SLC47A1: variants seen among roughly 807,000 people sequenced by gnomAD.
SLC47A1 encodes solute carrier family 47 member 1.
Under a neutral mutation model 65.8 loss-of-function variants are expected in SLC47A1, and 58 were observed. That is an observed-to-expected ratio of 0.88 (90% CI 0.71 to 1.10). The LOEUF is 1.10. Ranked by LOEUF, SLC47A1 falls within the 50% of genes least tolerant of loss-of-function variation. The pLI, the probability that SLC47A1 is intolerant of heterozygous loss-of-function variation, is 0.00. For synonymous variants in SLC47A1, 285 were observed against 295.0 expected, an observed-to-expected ratio of 0.97 and a Z score of 0.35; for missense variants, 706 against 719.2, an observed-to-expected ratio of 0.98 and a Z score of 0.21.
chr17:19,542,542 C>T (rs545353920), intron 2 of SLC47A1, 48 bp downstream of exon 2: 101 of 1,405,790 alleles, frequency 7.2e-5, no homozygotes, highest in Non-Finnish European at 8.8e-5. Flanking sequence ...CTGTGTTTGC[C>T]TTCTGCTGCT....
intron 12 of SLC47A1, among the ~76,000 whole-genome samples, chr17:19,563,228 G>A (rs534787241): frequency 6.8e-6 from 1 of 147,996 alleles, no homozygotes; most frequent in Non-Finnish European, 1.5e-5. Flanking sequence ...TGCCTCCCGG[G>A]TTCACGCCAT....
chr17:19,572,870 T>C lies in SLC47A1; in HGVS notation c.1486+9T>C. 1 of 1,613,774 alleles carries C rather than the reference T, an allele frequency of 6.2e-7. No homozygotes were observed. The highest frequency in any genetic ancestry group is 8.5e-7 in the Non-Finnish European group (1 of 1,179,692). On this transcript the variant is annotated intron_variant, in intron 16 of 16. Coordinates refer to ENST00000270570, the MANE Select transcript of SLC47A1 (RefSeq NM_018242.3). ...GGATCCGCTTCACCCAGGTAAGATA[T>C]GACTCCCTCAGCCCTTGGACAGGCC...
intron 2 of SLC47A1, among the ~76,000 whole-genome samples, chr17:19,542,736 G>C (rs1371399739): frequency 6.6e-6 from 1 of 151,682 alleles, no homozygotes; most frequent in Non-Finnish European, 1.5e-5. Context: ...GGGACATCTG[G>C]GGGGGCATTA....
At position 19,533,930 on chromosome 17, in the gene SLC47A1, C is replaced by G; in HGVS notation, c.-10C>G. ...GCCTCCGCGCTACCCGGCCGCAGCGCGCGAGTCACATGGAAGCTCCTGAGG... is the reference window on the plus strand; with the variant it reads ...GCCTCCGCGCTACCCGGCCGCAGCGGGCGAGTCACATGGAAGCTCCTGAGG... On this transcript the variant is annotated 5_prime_UTR_variant, in exon 1 of 17. Transcript: ENST00000270570. 1.3e-6 allele frequency: 2 copies of G among 1,482,870 alleles called. No individual in the cohort carries two copies. The highest frequency in any genetic ancestry group is 1.8e-6 in the Non-Finnish European group (2 of 1,118,660). The allele number at this position is 1,482,870 out of a possible 1,614,324, so 91.9% of individuals were successfully genotyped here. A position where few individuals can be genotyped will look rare whatever the true frequency, so the allele number is the denominator to read the frequency against.
intron 1 of SLC47A1, among the ~76,000 whole-genome samples, chr17:19,540,876 A>ACACACACACACACACACACACC (rs774836898): frequency 6.7e-6 from 1 of 149,758 alleles, no homozygotes; most frequent in East Asian, 2.0e-4. Flanking sequence ...ACACACACAC[A>ACACACACACACACACACACACC]CCCCTAGGGT....
At chr17:19,552,903 T>C (rs1471235485) in intron 6 of SLC47A1, among the ~76,000 whole-genome samples, 1 of 152,140 alleles carries the variant, frequency 6.6e-6, no homozygotes, top group African/African-American at 2.4e-5. Context: ...CTGGGGCATT[T>C]AGTTTTGGGA....
chr17:19,555,230 A>T lies in SLC47A1; in HGVS notation c.562A>T (p.Ile188Phe). 1 of 1,614,076 alleles carries T rather than the reference A, an allele frequency of 6.2e-7. No individual in the cohort carries two copies. The highest frequency in any genetic ancestry group is 8.5e-7 in the Non-Finnish European group (1 of 1,180,014). ...TTTCCAGGGAATTGTACTGCCCCAGATCGTAACTGGAGTTGCAGCCAACCT... is the reference window on the plus strand; with the variant it reads ...TTTCCAGGGAATTGTACTGCCCCAGTTCGTAACTGGAGTTGCAGCCAACCT... The part of the protein sequence containing the change: ...LLNQGIVLPQ[I>F]VTGVAANLVN... Residue 188 changes from isoleucine (I) to phenylalanine (F), a missense_variant, in exon 7 of 17, where the codon ATC becomes TTC. Physicochemically the swap from Ile to Phe is conservative, Grantham distance 21. Transcript: ENST00000270570.
At position 19,551,406 on chromosome 17, in the gene SLC47A1, T is replaced by C. The variant is rs367856292; in HGVS notation, c.499-18T>C. 13 of 1,591,522 alleles carry C rather than the reference T, an allele frequency of 8.2e-6. No homozygotes were observed. In the African/African-American group the frequency reaches 1.3e-4, roughly 16 times the overall value. Reference sequence around the variant, plus strand: ...CAAGGCTGAAACATTAACATTCATCTCTCTTGTTCTCTTGTAGGCAACCTT... The same window carrying C: ...CAAGGCTGAAACATTAACATTCATCCCTCTTGTTCTCTTGTAGGCAACCTT... On this transcript the variant is annotated intron_variant, in intron 5 of 16. Transcript: ENST00000270570.
chr17:19,536,750 A>C (rs567091517), intron 1 of SLC47A1, among the ~76,000 whole-genome samples: 1 of 152,136 alleles, frequency 6.6e-6, no homozygotes, highest in Non-Finnish European at 1.5e-5. Context: ...ATTGTCCAAT[A>C]CTTTCTTCTC....
rs761875354 is a variant in SLC47A1 at position 19,571,499 on chromosome 17, T to A, written c.1331T>A (p.Ile444Asn). ...GVMGLWSGII[I>N]CTVFQAVCFL... The stretch of plus-strand genomic sequence containing the variant: ...CTAGGTCTGTGGTCAGGGATCATCA[T>A]CTGTACAGTCTTTCAAGCTGTGTGT... The change falls in exon 15 of 17, where the codon ATC becomes AAC. Residue 444 changes from isoleucine (I) to asparagine (N), a missense_variant. By Grantham distance (149) the Ile-to-Asn change is moderately radical. Transcript: ENST00000270570. 6.2e-7 allele frequency: 1 copy of A among 1,613,830 alleles called. No homozygotes were observed. Among genetic ancestry groups the A allele is most frequent in the East Asian group, 2.2e-5 (1 of 44,880 alleles).
chr17:19,547,296 A>G (rs1024602636), intron 3 of SLC47A1, among the ~76,000 whole-genome samples: 1 of 150,630 alleles, frequency 6.6e-6, no homozygotes, highest in Non-Finnish European at 1.5e-5. Context: ...CTCCTACCTC[A>G]GCCTCCCAAC....
chr17:19,536,271 T>TAATAAA (rs1306012152), intron 1 of SLC47A1, among the ~76,000 whole-genome samples: 1 of 150,900 alleles, frequency 6.6e-6, no homozygotes, highest in Non-Finnish European at 1.5e-5. Flanking sequence ...ATAATAATAA[T>TAATAAA]AATAATAATA....
At chr17:19,567,025 G>A in intron 13 of SLC47A1, 71 bp from the exon 14 acceptor site, 1 of 1,610,264 alleles carries the variant, frequency 6.2e-7, no homozygotes, top group East Asian at 2.2e-5. Flanking sequence ...AGAATATGAA[G>A]TGCTCGGGAG....
In SLC47A1 at chr17:19,577,310, T is replaced by C. The variant is rs1318994056; in HGVS notation, c.1487-17T>C. ...AAAAAATCCCTTTTAAGCTGCTAAG[T>C]TCCTTTTTCCTCCCAGGGTGCCCTG... On this transcript the variant is annotated splice_polypyrimidine_tract_variant and intron_variant, in intron 16 of 16. Transcript: ENST00000270570. The C allele has an allele frequency of 1.2e-6, 2 of 1,612,076 alleles. No homozygotes were observed. Among genetic ancestry groups the C allele is most frequent in the African/African-American group, 2.7e-5 (2 of 74,780 alleles).
In SLC47A1 at chr17:19,568,379, A is replaced by G. The variant is rs13342505; in HGVS notation, c.1309+1151A>G. Among the ~76,000 whole-genome samples, 644 of 152,332 alleles carry G rather than the reference A, an allele frequency of 4.2e-3. 6 individuals carry two copies. The highest frequency in any genetic ancestry group is 0.014 in the African/African-American group (592 of 41,566). On this transcript the variant is annotated intron_variant, in intron 14 of 16. Transcript: ENST00000270570. Reference sequence around the variant, plus strand: ...TGCGATTCATAGTTTGGATTTGCCAATTGCCTAGCTAATGCAAATATTATA... The same window carrying G: ...TGCGATTCATAGTTTGGATTTGCCAGTTGCCTAGCTAATGCAAATATTATA...
Position 19,555,980 on chromosome 17 carries a change from GTCTT to G in SLC47A1, c.854-10_854-7del. ...CCTGTCTGGGTGCAAGGCGACAGCT[GTCTT>G]TCTTCACCAGGCATCCTCGGCATGG... is the stretch of plus-strand genomic sequence containing the variant. On this transcript the variant is annotated splice_polypyrimidine_tract_variant and intron_variant, in intron 9 of 16. Coordinates refer to ENST00000270570, the MANE Select transcript of SLC47A1 (RefSeq NM_018242.3). 6.2e-7 allele frequency: 1 copy of G among 1,614,196 alleles called. No individual in the cohort carries two copies. Among genetic ancestry groups the G allele is most frequent in the South Asian group, 1.1e-5 (1 of 91,086 alleles).
chr17:19,544,157 G>A (rs867522301), intron 2 of SLC47A1, among the ~76,000 whole-genome samples: 4 of 152,090 alleles, frequency 2.6e-5, no homozygotes, highest in Admixed American at 6.5e-5. Context: ...TGTTGGTCAG[G>A]TGGGTCTTGA....
intron 12 of SLC47A1, 86 bp downstream of exon 12, chr17:19,560,579 T>G: frequency 7.7e-7 from 1 of 1,297,144 alleles, no homozygotes; most frequent in Non-Finnish European, 1.1e-6. Flanking sequence ...ATCAGGCTGT[T>G]CAGAAACATT....
At chr17:19,552,372 T>C (rs1188098733) in intron 6 of SLC47A1, among the ~76,000 whole-genome samples, 1 of 152,134 alleles carries the variant, frequency 6.6e-6, no homozygotes, top group Admixed American at 6.6e-5. Flanking sequence ...AAAACAAGAA[T>C]ATTTAGAATC....
Sources: allele counts gnomAD v4.1 joint callset (sites outside exome capture counted in the v4.1 genomes callset), GRCh38; gene constraint gnomAD v4.1.1; transcripts MANE v1.5; gene names NCBI Gene and HGNC (gene_info 2026-07-23, HGNC 2026-07-21).